Variants in PDE10A observed in about 807,000 individuals in gnomAD.
PDE10A encodes phosphodiesterase 10A, also known as cAMP and cAMP-inhibited cGMP 3',5'-cyclic phosphodiesterase 10A.
PDE10A carries 39 observed loss-of-function variants against 97.7 expected under a neutral mutation model. The ratio of observed to expected loss-of-function variants is 0.40; its 90% CI spans 0.31 to 0.52. The LOEUF is 0.52. Ranked by LOEUF, PDE10A falls within the 20% of genes least tolerant of loss-of-function variation. The probability of loss-of-function intolerance (pLI) is 0.56; values close to 1 mark genes in which losing one functional copy is unlikely to be tolerated. For missense variants in PDE10A, 731 were observed against 1,047.8 expected (o/e 0.70, Z 4.17); for synonymous variants, 371 against 376.8 (o/e 0.98, Z 0.18).
At chr6:165,836,601 A>C (rs1780069244) in intron 1 of PDE10A, among the ~76,000 whole-genome samples, 1 of 152,226 alleles carries the variant, frequency 6.6e-6, no homozygotes, top group African/African-American at 2.4e-5. Flanking sequence ...CATTCAGAGA[A>C]TCCTGCCTCG....
At chr6:165,494,993 C>T (rs531455553) in intron 2 of PDE10A, among the ~76,000 whole-genome samples, 1 of 152,198 alleles carries the variant, frequency 6.6e-6, no homozygotes, top group Non-Finnish European at 1.5e-5. Context: ...CATTCATAAA[C>T]CACTCATCTT....
intron 1 of PDE10A, among the ~76,000 whole-genome samples, chr6:165,937,573 C>A (rs755566356): frequency 6.6e-6 from 1 of 152,172 alleles, no homozygotes; most frequent in South Asian, 2.1e-4. Context: ...AGAGTTGGTA[C>A]ATGTCTTGAC....
At chr6:165,653,808 T>TC (rs1583722212) in intron 1 of PDE10A, among the ~76,000 whole-genome samples, 1 of 149,736 alleles carries the variant, frequency 6.7e-6, no homozygotes, top group African/African-American at 2.4e-5. Flanking sequence ...CCCCACGCCT[T>TC]CCCCCAATGC....
intron 1 of PDE10A, among the ~76,000 whole-genome samples, chr6:165,715,404 T>C (rs1193210333): frequency 2.0e-5 from 3 of 152,244 alleles, no homozygotes; most frequent in Admixed American, 6.5e-5. Context: ...CTGAGCATTA[T>C]ATAAATTCGA....
At chr6:165,678,996 A>G (rs1790901218) in intron 1 of PDE10A, among the ~76,000 whole-genome samples, 1 of 152,206 alleles carries the variant, frequency 6.6e-6, no homozygotes, top group Non-Finnish European at 1.5e-5. Context: ...AAATCATCCC[A>G]TTGATTTAAT....
At chr6:165,690,439 T>C (rs1394087612) in intron 1 of PDE10A, among the ~76,000 whole-genome samples, 7 of 152,246 alleles carry the variant, frequency 4.6e-5, no homozygotes, top group African/African-American at 1.7e-4. Context: ...CTGGTCTCCC[T>C]GCCTTCAGCC....
intron 1 of PDE10A, among the ~76,000 whole-genome samples, chr6:165,546,259 G>C (rs149501313): frequency 2.6e-5 from 4 of 152,022 alleles, no homozygotes; most frequent in African/African-American, 9.7e-5. Flanking sequence ...AGGAGCTCAA[G>C]GGGAAAGGGC....
chr6:165,334,317 C>T (rs1051502069), intron 21 of PDE10A, among the ~76,000 whole-genome samples: 2 of 149,468 alleles, frequency 1.3e-5, no homozygotes, highest in Admixed American at 6.6e-5. Context: ...CGCCTTACAG[C>T]GCCGGGCACG....
Position 165,864,532 on chromosome 6 carries a change from T to C in PDE10A, c.-615+122997A>G, listed in dbSNP as rs543320933. ...GACCAAAGCAGAAAATAATTTGCTT[T>C]CTTACACAGCAATTTAACAAAGAAT... is the stretch of plus-strand genomic sequence containing the variant. On this transcript the variant is annotated intron_variant, in intron 1 of 19. Transcript: ENST00000366882. 1.6e-4 allele frequency among the ~76,000 whole-genome samples: 25 copies of C among 152,374 alleles called. 1 individual carries two copies. The highest frequency in any genetic ancestry group is 7.7e-4 in the East Asian group (4 of 5,192).
At chr6:165,538,117 T>C (rs9885711) in intron 2 of PDE10A, among the ~76,000 whole-genome samples, 2,512 of 152,116 alleles carry the variant, frequency 0.017, 65 homozygotes, top group African/African-American at 0.058. Flanking sequence ...AAATAGTAGG[T>C]TTAGGGGGCA....
At chr6:165,796,196 C>A (rs545060013) in intron 1 of PDE10A, among the ~76,000 whole-genome samples, 2 of 147,504 alleles carry the variant, frequency 1.4e-5, no homozygotes. Context: ...CCCGAGTTCA[C>A]GCCATTCTCC....
intron 7 of PDE10A, among the ~76,000 whole-genome samples, chr6:165,432,750 T>TA (rs754427365): frequency 3.2e-4 from 49 of 152,174 alleles, no homozygotes; most frequent in Non-Finnish European, 5.3e-4. Context: ...ACACTGGATT[T>TA]TACTTAACAA....
At position 165,597,946 on chromosome 6, in the gene PDE10A, CTG is replaced by C. The variant is rs149467482; in HGVS notation, c.866-54380_866-54379del. 1.2e-3 allele frequency among the ~76,000 whole-genome samples: 182 copies of C among 152,316 alleles called. 2 individuals carry two copies. In the East Asian group the frequency reaches 0.019, roughly 16 times the overall value. On this transcript the variant is annotated intron_variant, in intron 1 of 21. Coordinates refer to ENST00000539869, the MANE Select transcript of PDE10A (RefSeq NM_001385079.1). ...AGCTGTGTGTGACCCACATGCAAGACTGAAGTAGAACTTGCCTCCTTGTGAAC... is the reference window on the plus strand; with the variant it reads ...AGCTGTGTGTGACCCACATGCAAGACAAGTAGAACTTGCCTCCTTGTGAAC...
At chr6:165,509,834 T>A (rs77559095) in intron 2 of PDE10A, among the ~76,000 whole-genome samples, 6,159 of 152,102 alleles carry the variant, frequency 0.04, 155 homozygotes, top group Middle Eastern at 0.071. Context: ...ATTTAATTTT[T>A]TATAGCTATT....
intron 1 of PDE10A, among the ~76,000 whole-genome samples, chr6:165,746,439 C>T (rs1457105833): frequency 6.6e-6 from 1 of 152,246 alleles, no homozygotes; most frequent in Non-Finnish European, 1.5e-5. Context: ...GGTTCACATT[C>T]TTACATCAAC....
Position 165,943,240 on chromosome 6 carries a change from AAG to A in PDE10A, c.-615+44287_-615+44288del, listed in dbSNP as rs1783620914. On this transcript the variant is annotated intron_variant, in intron 1 of 19. Transcript: ENST00000366882. ...GAAAGAAAGAAAGAAAGAAAGAAGG[AAG>A]GAAGGAAGGAAGGAAGGAAGGAAGG... Among the ~76,000 whole-genome samples the A allele has an allele frequency of 1.4e-3, 91 of 65,756 alleles. 3 individuals carry two copies. Among genetic ancestry groups the A allele is most frequent in the African/African-American group, 4.6e-3 (59 of 12,836 alleles). The allele number at this position is 65,756 out of a possible 152,430, so 43.1% of individuals were successfully genotyped here.
chr6:165,519,576 C>A (rs1225593520), intron 2 of PDE10A, among the ~76,000 whole-genome samples: 1 of 152,066 alleles, frequency 6.6e-6, no homozygotes, highest in African/African-American at 2.4e-5. Flanking sequence ...GCAAAATACT[C>A]CCTGCTGCTC....
At chr6:165,504,778 G>C (rs536051715) in intron 2 of PDE10A, among the ~76,000 whole-genome samples, 1 of 152,176 alleles carries the variant, frequency 6.6e-6, no homozygotes, top group South Asian at 2.1e-4. Flanking sequence ...TATGGTGGCA[G>C]ATATCATAAT....
chr6:165,857,273 A>G (rs1317491013), intron 1 of PDE10A, among the ~76,000 whole-genome samples: 1 of 152,136 alleles, frequency 6.6e-6, no homozygotes, highest in African/African-American at 2.4e-5. Context: ...GAGAGTTTTG[A>G]CCCGGACCTG....
Sources: gnomAD v4.1 joint callset for allele counts (sites outside exome capture counted in the v4.1 genomes callset) on GRCh38, gnomAD v4.1.1 for gene constraint, MANE v1.5 for transcripts, NCBI Gene and HGNC (gene_info 2026-07-23, HGNC 2026-07-21) for gene names.